CRTC1: variants seen among roughly 807,000 people sequenced by gnomAD.
The protein encoded by CRTC1 is CREB-regulated transcription coactivator 1.
Under a neutral mutation model 66.1 loss-of-function variants are expected in CRTC1, and 18 were observed. The ratio of observed to expected loss-of-function variants is 0.27; its 90% CI spans 0.19 to 0.40. The LOEUF is 0.40. Among genes scored for constraint, CRTC1 ranks in the 10% least tolerant of loss-of-function variants. CRTC1 has a pLI of 1.00. For missense variants in CRTC1, 669 were observed against 887.9 expected (o/e 0.75, Z 3.13); for synonymous variants, 416 against 398.8 (o/e 1.04, Z -0.51).
Position 18,732,274 on chromosome 19 carries a change from G to C in CRTC1, c.127-10636G>C, listed in dbSNP as rs144769805. On this transcript the variant is annotated intron_variant, in intron 1 of 13. Coordinates refer to ENST00000321949, the MANE Select transcript of CRTC1 (RefSeq NM_015321.3). The stretch of plus-strand genomic sequence containing the variant: ...GTTAAGGTTAAATCAAGCCATAAAG[G>C]GGGGGTCCCGATCTCTAGGATTGGA... Among the ~76,000 whole-genome samples the C allele has an allele frequency of 1.7e-3, 264 of 152,318 alleles. 2 individuals are homozygous for C. The highest frequency in any genetic ancestry group is 5.9e-3 in the African/African-American group (247 of 41,570).
At position 18,765,396 on chromosome 19, in the gene CRTC1, C is replaced by T. The variant is rs1482493193; in HGVS notation, c.887-8C>T. The T allele has an allele frequency of 1.2e-6, 2 of 1,605,956 alleles. No individual in the cohort carries two copies. Among genetic ancestry groups the T allele is most frequent in the South Asian group, 2.2e-5 (2 of 90,004 alleles). On this transcript the variant is annotated splice_region_variant and splice_polypyrimidine_tract_variant and intron_variant, in intron 8 of 13. Transcript: ENST00000321949. The stretch of plus-strand genomic sequence containing the variant: ...ACCTGCTCTCCCTCCCTCCTACTTC[C>T]TCTCTAGGAATGAGCACACCTGGCT...
At chr19:18,701,263 C>G (rs917614773) in intron 1 of CRTC1, among the ~76,000 whole-genome samples, 3 of 152,258 alleles carry the variant, frequency 2.0e-5, no homozygotes, top group Non-Finnish European at 4.4e-5. Flanking sequence ...TGGCTCCTGC[C>G]AAACAGTCCC....
At chr19:18,747,855 T>A (rs995493979) in intron 4 of CRTC1, among the ~76,000 whole-genome samples, 1 of 152,132 alleles carries the variant, frequency 6.6e-6, no homozygotes, top group South Asian at 2.1e-4. Context: ...ACGCAGGCGA[T>A]CAGTTGAACC....
intron 1 of CRTC1, among the ~76,000 whole-genome samples, chr19:18,692,180 A>T (rs1312132284): frequency 6.6e-6 from 1 of 152,022 alleles, no homozygotes; most frequent in Non-Finnish European, 1.5e-5. Context: ...GGGCTGAATG[A>T]AGGGTCCACT....
At chr19:18,730,974 C>A (rs1600868383) in intron 1 of CRTC1, among the ~76,000 whole-genome samples, 2 of 152,084 alleles carry the variant, frequency 1.3e-5, no homozygotes, top group Admixed American at 6.5e-5. Flanking sequence ...TCCTTCCCTC[C>A]TTCCCTCCTT....
chr19:18,767,357 C>T (rs1311166043), intron 9 of CRTC1, among the ~76,000 whole-genome samples: 2 of 152,044 alleles, frequency 1.3e-5, no homozygotes, highest in Non-Finnish European at 2.9e-5. Flanking sequence ...GCCTACCATG[C>T]CCAGCTGAGT....
At chr19:18,703,957 A>G (rs967427349) in intron 1 of CRTC1, among the ~76,000 whole-genome samples, 18 of 152,050 alleles carry the variant, frequency 1.2e-4, no homozygotes, top group African/African-American at 4.1e-4. Flanking sequence ...TGGTTCCTCA[A>G]TGTCTCCTCA....
At position 18,771,914 on chromosome 19, in the gene CRTC1, C is replaced by T. The variant is rs1336885960; in HGVS notation, c.1425+368C>T. Among the ~76,000 whole-genome samples the T allele has an allele frequency of 1.3e-5, 2 of 152,206 alleles. No homozygotes were observed. The highest frequency in any genetic ancestry group is 2.1e-4 in the South Asian group (1 of 4,838). ...TGAGCTGGAGCTTTAGGGACCCCCC[C>T]GACTTGGGGGTGCAGCTGAGGTGGC... On this transcript the variant is annotated intron_variant, in intron 11 of 13. Coordinates refer to ENST00000321949, the MANE Select transcript of CRTC1 (RefSeq NM_015321.3). This position sits in a 1 kb window ranked among gnomAD's most constrained non-coding sequence, Gnocchi z 4.6.
At chr19:18,711,221 T>C (rs150817566) in intron 1 of CRTC1, among the ~76,000 whole-genome samples, 2,703 of 152,222 alleles carry the variant, frequency 0.018, 23 homozygotes, top group Middle Eastern at 0.027. Context: ...GACTTCTTGT[T>C]TGGGAGTCGG....
In CRTC1 at chr19:18,760,335, G is replaced by T. The variant is rs1600973672; in HGVS notation, c.886+107G>T. On this transcript the variant is annotated intron_variant, in intron 8 of 13. Transcript: ENST00000321949. The surrounding 1 kb of genome is among the most constrained non-coding windows in gnomAD (Gnocchi z 6.2). ...TCCCGTTCCAAATACTAGGGCATGG[G>T]GGACAGGGCTGGGGGGCGGCCGACA... is the stretch of plus-strand genomic sequence containing the variant. 3.0e-6 allele frequency: 3 copies of T among 984,100 alleles called. No homozygotes were observed. In the East Asian group the frequency reaches 7.9e-5, roughly 26 times the overall value. 61.0% of individuals were successfully genotyped at this position (984,100 alleles called of 1,614,324 possible). A position where few individuals can be genotyped will look rare whatever the true frequency, so the allele number is the denominator to read the frequency against.
chr19:18,758,339 G>C (rs1210194349), intron 6 of CRTC1, among the ~76,000 whole-genome samples: 1 of 148,402 alleles, frequency 6.7e-6, no homozygotes, highest in Non-Finnish European at 1.5e-5. Context: ...CAGCCTGAGA[G>C]ACAGAGTGAG....
intron 1 of CRTC1, among the ~76,000 whole-genome samples, chr19:18,708,279 G>T (rs987952341): frequency 2.0e-5 from 3 of 152,192 alleles, no homozygotes; most frequent in African/African-American, 7.2e-5. Context: ...GTGGGGAGGG[G>T]TGACCCAGGA....
chr19:18,692,408 G>A (rs372528267), intron 1 of CRTC1, among the ~76,000 whole-genome samples: 3 of 152,160 alleles, frequency 2.0e-5, no homozygotes, highest in South Asian at 4.2e-4. Context: ...TTCCCTCACC[G>A]TCATCAATAT....
At chr19:18,702,685 C>T (rs541666026) in intron 1 of CRTC1, among the ~76,000 whole-genome samples, 1 of 152,012 alleles carries the variant, frequency 6.6e-6, no homozygotes, top group East Asian at 1.9e-4. Context: ...CAGGTATGCG[C>T]CACCACACCC....
intron 11 of CRTC1, 108 bp from the exon 12 acceptor site, chr19:18,774,792 C>G: frequency 1.0e-6 from 1 of 980,304 alleles, no homozygotes; most frequent in Non-Finnish European, 1.6e-6. Flanking sequence ...AGCCTCCTGC[C>G]GTCTGGGAGG....
intron 1 of CRTC1, among the ~76,000 whole-genome samples, chr19:18,721,676 G>A (rs1217780820): frequency 6.6e-6 from 1 of 152,070 alleles, no homozygotes; most frequent in Non-Finnish European, 1.5e-5. Context: ...TGTATTTTTA[G>A]TAGAGACGGG....
At chr19:18,762,062 A>G (rs1020438256) in intron 8 of CRTC1, among the ~76,000 whole-genome samples, 10 of 152,212 alleles carry the variant, frequency 6.6e-5, no homozygotes, top group Admixed American at 5.9e-4. Context: ...CAGAACCAGA[A>G]AGCTGAAGGT....
intron 2 of CRTC1, among the ~76,000 whole-genome samples, 182 bp downstream of exon 2, chr19:18,743,208 C>G (rs552817914): frequency 6.6e-6 from 1 of 152,262 alleles, no homozygotes; most frequent in Non-Finnish European, 1.5e-5. Flanking sequence ...AGGGTGCCCC[C>G]GCAGCCCATT....
chr19:18,711,801 A>G (rs1390439622), intron 1 of CRTC1, among the ~76,000 whole-genome samples: 1 of 152,140 alleles, frequency 6.6e-6, no homozygotes, highest in Non-Finnish European at 1.5e-5. Flanking sequence ...CACATGTGGG[A>G]CCGTGGTGGC....
Sources: gnomAD v4.1 joint callset for allele counts (sites outside exome capture counted in the v4.1 genomes callset) on GRCh38, gnomAD v4.1.1 for gene constraint, Gnocchi (gnomAD v3.1) non-coding constraint, MANE v1.5 for transcripts, NCBI Gene and HGNC (gene_info 2026-07-23, HGNC 2026-07-21) for gene names.